Variants in PCDHGA4 observed in about 807,000 individuals in gnomAD.
The protein encoded by PCDHGA4 is protocadherin gamma-A4.
In PCDHGA4, 38 loss-of-function variants were observed where a neutral mutation model predicts 54.6. The observed-to-expected ratio is 0.70, with a 90% CI of 0.54 to 0.91. The LOEUF is 0.91. Among genes scored for constraint, PCDHGA4 ranks in the 40% least tolerant of loss-of-function variants. The pLI is 0.00. For missense variants in PCDHGA4, 1,298 were observed against 1,220.9 expected (o/e 1.06, Z -0.94); for synonymous variants, 511 against 512.9 (o/e 1.00, Z 0.05).
At chr5:141,467,344 C>A (rs2099142230) in intron 1 of PCDHGA4, among the ~76,000 whole-genome samples, 1 of 152,122 alleles carries the variant, frequency 6.6e-6, no homozygotes, top group South Asian at 2.1e-4. Flanking sequence ...TAAGCCACTG[C>A]CCCCGGCCAA....
intron 1 of PCDHGA4, chr5:141,377,467 A>G (rs1170946460): frequency 1.3e-5 from 2 of 152,076 alleles, no homozygotes; most frequent in Non-Finnish European, 2.9e-5. Context: ...TGTGTGGCGT[A>G]CACCTGTAGT....
At position 141,489,635 on chromosome 5, in the gene PCDHGA4, G is replaced by A. The variant is rs1380466520; in HGVS notation, c.2515-5172G>A. On this transcript the variant is annotated intron_variant, in intron 1 of 3. Coordinates refer to ENST00000571252, the MANE Select transcript of PCDHGA4 (RefSeq NM_018917.4). The surrounding 1 kb of genome is among the most constrained non-coding windows in gnomAD (Gnocchi z 4.5). Reference sequence around the variant, plus strand: ...CTGGATCTCAATGACAACTCTCCTAGCTTTGCCACCCCTGAGCGAGAGATG... The same window carrying A: ...CTGGATCTCAATGACAACTCTCCTAACTTTGCCACCCCTGAGCGAGAGATG... 6.2e-7 allele frequency: 1 copy of A among 1,614,142 alleles called. No individual in the cohort carries two copies. The highest frequency in any genetic ancestry group is 8.5e-7 in the Non-Finnish European group (1 of 1,180,012).
chr5:141,360,008 C>G, intron 1 of PCDHGA4: 1 of 1,210,692 alleles, frequency 8.3e-7, no homozygotes, highest in Non-Finnish European at 1.1e-6. Context: ...ACAAACCAAC[C>G]ACACAGAGAA....
chr5:141,493,983 A>G lies in PCDHGA4; in HGVS notation c.2515-824A>G, dbSNP rs2099751203. Among the ~76,000 whole-genome samples the G allele has an allele frequency of 6.6e-6, 1 of 152,194 alleles. No homozygotes were observed. The highest frequency in any genetic ancestry group is 6.5e-5 in the Admixed American group (1 of 15,278). ...TGGCTGGCCAGAGCCCCACACCTTC[A>G]GCTAGGTGGGAGATGGCTACACATC... On this transcript the variant is annotated intron_variant, in intron 1 of 3. Coordinates refer to ENST00000571252, the MANE Select transcript of PCDHGA4 (RefSeq NM_018917.4). The surrounding 1 kb of genome is among the most constrained non-coding windows in gnomAD (Gnocchi z 4.3).
At chr5:141,394,790 G>T (rs776824024) in intron 1 of PCDHGA4, 1 of 1,613,718 alleles carries the variant, frequency 6.2e-7, no homozygotes, top group Non-Finnish European at 8.5e-7. Context: ...CCACTGTCAC[G>T]CTCACCGTAG....
At chr5:141,440,868 T>A (rs1288344051) in intron 1 of PCDHGA4, 1 of 152,150 alleles carries the variant, frequency 6.6e-6, no homozygotes, top group East Asian at 1.9e-4. Flanking sequence ...ATCTAGGATG[T>A]GTACAGCGTC....
rs751034521 is a variant in PCDHGA4, at chr5:141,405,112, C to A, written c.2514+47491C>A. ...TGGCCCTCAGGCTGAGGCACTGGCA[C>A]TCCTCGCATCTGCTGCGGGCTACCA... On this transcript the variant is annotated intron_variant, in intron 1 of 3. Coordinates refer to ENST00000571252, the MANE Select transcript of PCDHGA4 (RefSeq NM_018917.4). 4.5e-5 allele frequency: 73 copies of A among 1,613,868 alleles called. 1 individual carries two copies. The Middle Eastern group carries it at 5.9e-3, about 131-fold the overall frequency.
chr5:141,392,273 G>A (rs1037062086), intron 1 of PCDHGA4: 3 of 152,178 alleles, frequency 2.0e-5, no homozygotes, highest in Admixed American at 2.0e-4. Flanking sequence ...TTACAATAAA[G>A]CTTAGAGCAC....
intron 1 of PCDHGA4, among the ~76,000 whole-genome samples, chr5:141,397,112 A>G (rs2093474994): frequency 6.6e-6 from 1 of 152,258 alleles, no homozygotes; most frequent in African/African-American, 2.4e-5. Flanking sequence ...GCAATCCACT[A>G]GAATATCCCT....
chr5:141,482,288 C>G (rs1413786764), intron 1 of PCDHGA4, among the ~76,000 whole-genome samples: 1 of 152,078 alleles, frequency 6.6e-6, no homozygotes, highest in Non-Finnish European at 1.5e-5. Context: ...GTCTTTTAAT[C>G]TCTTTAAACT....
chr5:141,405,609 G>A, intron 1 of PCDHGA4: 1 of 562,334 alleles, frequency 1.8e-6, no homozygotes. Context: ...AGAATAACTG[G>A]GACTACAGGC....
At chr5:141,394,893 G>A (rs769819389) in intron 1 of PCDHGA4, 7 of 1,613,858 alleles carry the variant, frequency 4.3e-6, no homozygotes, top group South Asian at 2.2e-5. Context: ...ACTCTATCTC[G>A]TGGTGGCAGT....
chr5:141,482,967 AGCAGCTACTT>A (rs2099575323), intron 1 of PCDHGA4, among the ~76,000 whole-genome samples: 1 of 58,122 alleles, frequency 1.7e-5, no homozygotes, highest in African/African-American at 2.6e-4. Flanking sequence ...CAGCTACTTG[AGCAGCTACTT>A]GAGAGGTCGA....
At chr5:141,382,344 A>T (rs1323658613) in intron 1 of PCDHGA4, among the ~76,000 whole-genome samples, 1 of 152,224 alleles carries the variant, frequency 6.6e-6, no homozygotes, top group Non-Finnish European at 1.5e-5. Context: ...AAAATCTTTC[A>T]TATGTATTTA....
At chr5:141,505,666 G>T (rs904221281) in intron 3 of PCDHGA4, among the ~76,000 whole-genome samples, 185 bp downstream of exon 3, 3 of 152,180 alleles carry the variant, frequency 2.0e-5, no homozygotes, top group Non-Finnish European at 4.4e-5. Context: ...ACAGCAGAGG[G>T]GTTGGGGGTC....
At chr5:141,410,097 T>G (rs745439318) in intron 1 of PCDHGA4, 3 of 1,612,664 alleles carry the variant, frequency 1.9e-6, no homozygotes, top group Non-Finnish European at 2.5e-6. Context: ...GCTCGAGCCT[T>G]AGGCGACAGG....
Position 141,355,094 on chromosome 5 carries a change from A to C in PCDHGA4, c.-14A>C. 6.7e-7 allele frequency: 1 copy of C among 1,484,876 alleles called. No homozygotes were observed. Among genetic ancestry groups the C allele is most frequent in the South Asian group, 1.4e-5 (1 of 71,292 alleles). The allele number at this position is 1,484,876 out of a possible 1,614,324, so 92.0% of individuals were successfully genotyped here. On this transcript the variant is annotated 5_prime_UTR_variant, in exon 1 of 4. Coordinates refer to ENST00000571252, the MANE Select transcript of PCDHGA4 (RefSeq NM_018917.4). ...GAAAGCTTCAAGCGGAAGCCCTGAGAGCTCTGGCTGTGAATGCACTTTATT... is the reference window on the plus strand; with the variant it reads ...GAAAGCTTCAAGCGGAAGCCCTGAGCGCTCTGGCTGTGAATGCACTTTATT...
At chr5:141,385,423 A>G in intron 1 of PCDHGA4, 4 of 1,462,490 alleles carry the variant, frequency 2.7e-6, no homozygotes, top group Non-Finnish European at 3.6e-6. Context: ...GATTTAAAAA[A>G]CTTTATAGAG....
At chr5:141,417,872 T>G (rs2096175848) in intron 1 of PCDHGA4, 5 of 1,555,026 alleles carry the variant, frequency 3.2e-6, no homozygotes, top group African/African-American at 1.4e-5. Flanking sequence ...GGGAGGGAGC[T>G]GCGCGCAGAG....
Sources: gnomAD v4.1 joint callset for allele counts (sites outside exome capture counted in the v4.1 genomes callset) on GRCh38, gnomAD v4.1.1 for gene constraint, Gnocchi (gnomAD v3.1) non-coding constraint, MANE v1.5 for transcripts, NCBI Gene and HGNC (gene_info 2026-07-23, HGNC 2026-07-21) for gene names.